Variants in CTNNA1 observed in about 807,000 individuals in gnomAD.
CTNNA1 encodes the protein catenin alpha 1.
In CTNNA1, 37 loss-of-function variants were observed where a neutral mutation model predicts 98.4. The observed-to-expected ratio is 0.38, with a 90% CI of 0.29 to 0.49. The LOEUF (loss-of-function observed/expected upper bound fraction) is 0.49, where lower values mean the gene tolerates loss of function less well. Ranked by LOEUF, CTNNA1 falls within the 20% of genes least tolerant of loss-of-function variation. The pLI, the probability that CTNNA1 is intolerant of heterozygous loss-of-function variation, is 0.95. For synonymous variants in CTNNA1, 404 were observed against 413.2 expected (o/e 0.98, Z 0.27); for missense variants, 761 against 1,147.2 (o/e 0.66, Z 4.86).
chr5:138,924,149 T>TA lies in CTNNA1; in HGVS notation c.1547-360dup, dbSNP rs201939213. 3.5e-3 allele frequency among the ~76,000 whole-genome samples: 534 copies of TA among 152,316 alleles called. 2 individuals are homozygous for TA. Among genetic ancestry groups the TA allele is most frequent in the African/African-American group, 0.011 (455 of 41,566 alleles). On this transcript the variant is annotated intron_variant, in intron 11 of 17. Coordinates refer to ENST00000302763, the MANE Select transcript of CTNNA1 (RefSeq NM_001903.5). ...TTTAGCCTTTCCTTTATTTGGGACA[T>TA]AGAGTCAGTGAAGCTAGAGGAAGAT...
chr5:138,760,675 A>C (rs1355376911), intron 1 of CTNNA1, among the ~76,000 whole-genome samples: 1 of 152,188 alleles, frequency 6.6e-6, no homozygotes, highest in African/African-American at 2.4e-5. Context: ...CTATCCATTC[A>C]TATGTTGATG....
chr5:138,806,780 A>G (rs969523490), intron 3 of CTNNA1, among the ~76,000 whole-genome samples: 1 of 151,994 alleles, frequency 6.6e-6, no homozygotes, highest in Non-Finnish European at 1.5e-5. Context: ...TATATAATAT[A>G]CAAGCCTTAT....
intron 10 of CTNNA1, among the ~76,000 whole-genome samples, chr5:138,915,115 C>A (rs963952429): frequency 1.4e-4 from 22 of 151,958 alleles, no homozygotes; most frequent in African/African-American, 5.1e-4. Flanking sequence ...CCACTGCACT[C>A]CAGCCTGGGC....
rs765585372 is a variant in CTNNA1, at chr5:138,873,158, C to T, written c.1063-13054C>T. On this transcript the variant is annotated intron_variant, in intron 7 of 17. Coordinates refer to ENST00000302763, the MANE Select transcript of CTNNA1 (RefSeq NM_001903.5). The surrounding 1 kb of genome is among the most constrained non-coding windows in gnomAD (Gnocchi z 6.1). ...TGACATATGGAGTCGTGTTTGGGAT[C>T]GGAGCTGCCTGTGGTTCTGAACCAT... 5.6e-6 allele frequency: 9 copies of T among 1,612,012 alleles called. No individual in the cohort carries two copies. The highest frequency in any genetic ancestry group is 5.5e-5 in the South Asian group (5 of 91,026).
Position 138,753,535 on chromosome 5 carries a change from G to A in CTNNA1, c.-3+25G>A, listed in dbSNP as rs111910698. ...GGTAACTTCGTACCTCCCTCCTCGC[G>A]GGCGCGGTCTCTCGGGCCAGGCCGA... On this transcript the variant is annotated intron_variant, in intron 1 of 17. Transcript: ENST00000302763. The A allele has an allele frequency of 1.7e-3, 636 of 376,148 alleles. 6 individuals are homozygous for A. Among genetic ancestry groups the A allele is most frequent in the African/African-American group, 0.012 (586 of 47,504 alleles). The allele number at this position is 376,148 out of a possible 1,614,324, so 23.3% of individuals were successfully genotyped here.
In CTNNA1 at chr5:138,810,019, T is replaced by C; in HGVS notation, c.302-19T>C. ...TTGAGTTCATTCTTGCTGAGTTTGTTTTTCATTCTGTAAAACAGGTGATTT... is the reference window on the plus strand; with the variant it reads ...TTGAGTTCATTCTTGCTGAGTTTGTCTTTCATTCTGTAAAACAGGTGATTT... On this transcript the variant is annotated intron_variant, in intron 3 of 17. Transcript: ENST00000302763. 6.3e-7 allele frequency: 1 copy of C among 1,581,174 alleles called. No individual in the cohort carries two copies. Among genetic ancestry groups the C allele is most frequent in the Non-Finnish European group, 8.7e-7 (1 of 1,153,966 alleles).
At chr5:138,788,125 A>G (rs1234501925) in intron 3 of CTNNA1, among the ~76,000 whole-genome samples, 1 of 152,136 alleles carries the variant, frequency 6.6e-6, no homozygotes, top group African/African-American at 2.4e-5. Flanking sequence ...TATCAGATCA[A>G]TCTTACCTTT....
chr5:138,905,851 A>G (rs1220241288), intron 10 of CTNNA1, among the ~76,000 whole-genome samples: 1 of 152,216 alleles, frequency 6.6e-6, no homozygotes, highest in Admixed American at 6.5e-5. Flanking sequence ...TAAATTGCTC[A>G]TGGCATACTC....
chr5:138,832,916 G>A (rs1192281768), intron 7 of CTNNA1, among the ~76,000 whole-genome samples: 2 of 152,074 alleles, frequency 1.3e-5, no homozygotes, highest in Non-Finnish European at 2.9e-5. Flanking sequence ...ACTTCTGAAG[G>A]GCTCTATGCT....
At chr5:138,916,084 C>G (rs1761668368) in intron 10 of CTNNA1, among the ~76,000 whole-genome samples, 1 of 147,418 alleles carries the variant, frequency 6.8e-6, no homozygotes, top group Admixed American at 6.9e-5. Context: ...GTGAAAAAAG[C>G]AAGTTACAAA....
intron 7 of CTNNA1, among the ~76,000 whole-genome samples, chr5:138,861,220 C>T (rs1764243715): frequency 6.6e-6 from 1 of 152,074 alleles, no homozygotes; most frequent in Non-Finnish European, 1.5e-5. Flanking sequence ...GGGGTTTCAC[C>T]ATGTGGGCCA....
rs1047743024 is a variant in CTNNA1, at chr5:138,819,897, G to A, written c.589-4633G>A. 3.3e-5 allele frequency among the ~76,000 whole-genome samples: 5 copies of A among 151,840 alleles called. No homozygotes were observed. In the East Asian group the frequency reaches 9.8e-4, roughly 30 times the overall value. On this transcript the variant is annotated intron_variant, in intron 5 of 17. Transcript: ENST00000302763. ...GGGGGATTTCCCCCTTGCTGTTCTTGGGAGTGAGTTCTCACAGATCTGGTT... is the reference window on the plus strand; with the variant it reads ...GGGGGATTTCCCCCTTGCTGTTCTTAGGAGTGAGTTCTCACAGATCTGGTT...
intron 3 of CTNNA1, among the ~76,000 whole-genome samples, chr5:138,802,790 T>C (rs1234969654): frequency 6.6e-6 from 1 of 152,164 alleles, no homozygotes; most frequent in Non-Finnish European, 1.5e-5. Flanking sequence ...ATTATACTGG[T>C]TACCCCTACA....
At chr5:138,868,532 T>C (rs372324281) in intron 7 of CTNNA1, among the ~76,000 whole-genome samples, 2 of 152,166 alleles carry the variant, frequency 1.3e-5, no homozygotes, top group African/African-American at 4.8e-5. Context: ...ATACAGGCAA[T>C]TGGTACCTTT....
intron 1 of CTNNA1, among the ~76,000 whole-genome samples, chr5:138,776,486 G>GCCCGCCTTTC (rs1561512302): frequency 6.6e-6 from 1 of 152,152 alleles, no homozygotes; most frequent in Non-Finnish European, 1.5e-5. Flanking sequence ...TCAATCCTTT[G>GCCCGCCTTTC]CCCGCCTTTC....
At chr5:138,900,314 A>C (rs1757767993) in intron 9 of CTNNA1, among the ~76,000 whole-genome samples, 1 of 152,218 alleles carries the variant, frequency 6.6e-6, no homozygotes, top group African/African-American at 2.4e-5. Flanking sequence ...GTCATTATTT[A>C]GACTTAAAAG....
intron 10 of CTNNA1, among the ~76,000 whole-genome samples, chr5:138,909,047 G>T (rs975363038): frequency 1.3e-5 from 2 of 152,080 alleles, no homozygotes; most frequent in African/African-American, 4.8e-5. Context: ...ACCATTTGGT[G>T]TGCTGGTCAG....
At chr5:138,822,144 C>T (rs1463129133) in intron 5 of CTNNA1, among the ~76,000 whole-genome samples, 1 of 152,130 alleles carries the variant, frequency 6.6e-6, no homozygotes. Flanking sequence ...AAGGGCAAGA[C>T]AATTAGAAAA....
At chr5:138,887,762 G>A in intron 9 of CTNNA1, 120 bp downstream of exon 9, 1 of 785,902 alleles carries the variant, frequency 1.3e-6, no homozygotes, top group Non-Finnish European at 2.0e-6. Flanking sequence ...ACATGTCTGA[G>A]ATGATAGTCT....
Sources: gnomAD v4.1 joint callset for allele counts (sites outside exome capture counted in the v4.1 genomes callset) on GRCh38, gnomAD v4.1.1 for gene constraint, Gnocchi (gnomAD v3.1) non-coding constraint, MANE v1.5 for transcripts, NCBI Gene and HGNC (gene_info 2026-07-23, HGNC 2026-07-21) for gene names.